Variants in PIEZO2 observed in about 807,000 individuals in gnomAD.
PIEZO2 encodes piezo type mechanosensitive ion channel component 2, also known as piezo-type mechanosensitive ion channel component 2.
PIEZO2 carries 172 observed loss-of-function variants against 337.3 expected under a neutral mutation model. The observed-to-expected ratio is 0.51, with a 90% CI of 0.45 to 0.58. PIEZO2 has a LOEUF of 0.58. Ranked by LOEUF, PIEZO2 falls within the 20% of genes least tolerant of loss-of-function variation. PIEZO2 has a pLI of 0.00. For synonymous variants in PIEZO2, 1,251 were observed against 1,228.5 expected (o/e 1.02, Z -0.38); for missense variants, 3,028 against 3,391.3 (o/e 0.89, Z 2.66).
At chr18:10,849,087 A>G (rs1053786271) in intron 7 of PIEZO2, among the ~76,000 whole-genome samples, 1 of 152,170 alleles carries the variant, frequency 6.6e-6, no homozygotes, top group African/African-American at 2.4e-5. Flanking sequence ...GCTCACTGCA[A>G]CCTCTGCAAT....
chr18:11,054,201 A>G (rs113504469), intron 2 of PIEZO2, among the ~76,000 whole-genome samples: 66 of 152,358 alleles, frequency 4.3e-4, no homozygotes, highest in African/African-American at 1.5e-3. Context: ...ACAGTATTAC[A>G]TACTTAAATA....
chr18:10,680,134 C>T (rs1364530113), intron 52 of PIEZO2, 65 bp downstream of exon 52: 2 of 1,393,162 alleles, frequency 1.4e-6, no homozygotes, highest in African/African-American at 1.5e-5. Flanking sequence ...CCACACCCTC[C>T]CTCCCCCAAC....
At position 10,705,479 on chromosome 18, in the gene PIEZO2, A is replaced by G. The variant is rs1191638937; in HGVS notation, c.5856T>C (p.His1952=). The change falls in exon 41 of 56, where the codon CAT becomes CAC. Residue 1952 remains histidine, a synonymous_variant. Transcript: ENST00000674853. ...PSYSKAVSFE[H]LSFGSQDDSA... The stretch of plus-strand genomic sequence containing the variant: ...AGTCGTCCTGCGAGCCGAAGGACAG[A>G]TGCTCGAAGCTCACAGCCTTGCTGT... 5.9e-6 allele frequency: 9 copies of G among 1,537,258 alleles called. No individual in the cohort carries two copies. In the Admixed American group the frequency reaches 7.8e-5, roughly 13 times the overall value.
chr18:10,759,939 A>C lies in PIEZO2; in HGVS notation c.3451-30T>G. 1 of 1,520,054 alleles carries C rather than the reference A, an allele frequency of 6.6e-7. No individual in the cohort carries two copies. Among genetic ancestry groups the C allele is most frequent in the Non-Finnish European group, 8.8e-7 (1 of 1,131,782 alleles). The allele number at this position is 1,520,054 out of a possible 1,614,324, so 94.2% of individuals were successfully genotyped here. ...GTAAAGATGAAAAGAGGCAAAAAAA[A>C]AAAATCAGGCATATGGGAAAGGGGA... On this transcript the variant is annotated intron_variant, in intron 24 of 55. Coordinates refer to ENST00000674853, the MANE Select transcript of PIEZO2 (RefSeq NM_001378183.1). This position sits in a 1 kb window ranked among gnomAD's most constrained non-coding sequence, Gnocchi z 5.5.
intron 2 of PIEZO2, among the ~76,000 whole-genome samples, chr18:11,013,201 C>T (rs911860154): frequency 6.6e-6 from 1 of 152,104 alleles, no homozygotes; most frequent in South Asian, 2.1e-4. Context: ...TGATTGTGGA[C>T]TACCGAAGCA....
chr18:11,142,801 G>C (rs1372367572), intron 1 of PIEZO2, among the ~76,000 whole-genome samples: 1 of 145,032 alleles, frequency 6.9e-6, no homozygotes, highest in African/African-American at 2.5e-5. Context: ...AAAAAGGACC[G>C]GGCACGGTGG....
intron 24 of PIEZO2, among the ~76,000 whole-genome samples, chr18:10,760,373 T>G (rs2038074425): frequency 6.6e-6 from 1 of 152,216 alleles, no homozygotes; most frequent in South Asian, 2.1e-4. Flanking sequence ...GGTGCAAACT[T>G]GGCTCACTGC....
At chr18:10,991,155 T>TACACACACACACAC (rs374157292) in intron 2 of PIEZO2, among the ~76,000 whole-genome samples, 1 of 140,550 alleles carries the variant, frequency 7.1e-6, no homozygotes, top group African/African-American at 2.6e-5. Context: ...GAAGGTTTTA[T>TACACACACACACAC]ACACACACAC....
intron 16 of PIEZO2, among the ~76,000 whole-genome samples, chr18:10,786,117 G>A (rs1445912084): frequency 6.6e-6 from 1 of 152,168 alleles, no homozygotes; most frequent in Non-Finnish European, 1.5e-5. Context: ...TGCTTCAACT[G>A]TAGTTTAAAC....
chr18:10,754,242 T>G (rs1021488185), intron 27 of PIEZO2, among the ~76,000 whole-genome samples: 65 of 152,262 alleles, frequency 4.3e-4, no homozygotes, highest in African/African-American at 1.3e-3. Flanking sequence ...GATTTCTGAA[T>G]AGAGAGACTG....
intron 3 of PIEZO2, among the ~76,000 whole-genome samples, chr18:10,934,827 G>T (rs2032295381): frequency 6.6e-6 from 1 of 152,100 alleles, no homozygotes; most frequent in African/African-American, 2.4e-5. Flanking sequence ...AACTTACCAT[G>T]CGGCAGATAC....
chr18:10,935,023 C>T (rs1190154864), intron 3 of PIEZO2, among the ~76,000 whole-genome samples: 1 of 152,154 alleles, frequency 6.6e-6, no homozygotes, highest in Non-Finnish European at 1.5e-5. Flanking sequence ...GGCCACCTGG[C>T]TGTGATGTCT....
chr18:10,698,896 C>T (rs1476283119), intron 44 of PIEZO2, 29 bp downstream of exon 44: 1 of 1,534,564 alleles, frequency 6.5e-7, no homozygotes, highest in Admixed American at 2.0e-5. Flanking sequence ...GAGCTAACTA[C>T]AGCCTAGATA....
rs2039751396 is a variant in PIEZO2 at position 11,111,986 on chromosome 18, A to C, written c.64+36539T>G. ...TTGAATCCTCTGAGGTTCTGACTTA[A>C]GAGGGAAAATGGTAGGGGAGCCGTG... On this transcript the variant is annotated intron_variant, in intron 1 of 55. Transcript: ENST00000674853. This position sits in a 1 kb window ranked among gnomAD's most constrained non-coding sequence, Gnocchi z 6.2. Among the ~76,000 whole-genome samples, 1 of 152,176 alleles carries C rather than the reference A, an allele frequency of 6.6e-6. No individual in the cohort carries two copies. The highest frequency in any genetic ancestry group is 1.5e-5 in the Non-Finnish European group (1 of 68,032).
At chr18:10,948,567 T>C (rs2033141973) in intron 3 of PIEZO2, among the ~76,000 whole-genome samples, 1 of 152,170 alleles carries the variant, frequency 6.6e-6, no homozygotes, top group Non-Finnish European at 1.5e-5. Context: ...TGTGAGTGTG[T>C]TCACTAATGA....
At chr18:10,680,396 A>G (rs1270814315) in intron 51 of PIEZO2, 25 bp from the exon 52 acceptor site, 3 of 1,602,914 alleles carry the variant, frequency 1.9e-6, no homozygotes, top group African/African-American at 1.3e-5. Context: ...ATGCACATGC[A>G]TAAATAGATT....
chr18:10,840,976 G>A (rs546292582), intron 7 of PIEZO2, among the ~76,000 whole-genome samples: 1 of 152,220 alleles, frequency 6.6e-6, no homozygotes. Context: ...TGCAGTTCCT[G>A]ATAAAGGAAA....
intron 14 of PIEZO2, 21 bp downstream of exon 14, chr18:10,791,180 C>A (rs980278007): frequency 6.6e-7 from 1 of 1,518,314 alleles, no homozygotes; most frequent in South Asian, 1.2e-5. Context: ...ACTCTCCAGC[C>A]ACACATATAC....
chr18:11,041,830 T>A (rs1211275887), intron 2 of PIEZO2, among the ~76,000 whole-genome samples: 1 of 152,170 alleles, frequency 6.6e-6, no homozygotes, highest in Non-Finnish European at 1.5e-5. Flanking sequence ...CAGAGTAACA[T>A]CCATTCATTC....
Sources: allele counts gnomAD v4.1 joint callset (sites outside exome capture counted in the v4.1 genomes callset), GRCh38; gene constraint gnomAD v4.1.1; non-coding constraint Gnocchi (gnomAD v3.1); transcripts MANE v1.5; gene names NCBI Gene and HGNC (gene_info 2026-07-23, HGNC 2026-07-21).